The following UBE4B variants were observed in gnomAD, a reference collection of about 807,000 sequenced individuals.
UBE4B encodes ubiquitination factor E4B.
Under a neutral mutation model 148.1 loss-of-function variants are expected in UBE4B, and 27 were observed. That is an observed-to-expected ratio of 0.18 (90% CI 0.13 to 0.25). The LOEUF is 0.25. Ranked by LOEUF, UBE4B falls within the 10% of genes least tolerant of loss-of-function variation. UBE4B has a pLI of 1.00. For synonymous variants in UBE4B, 596 were observed against 619.3 expected (o/e 0.96, Z 0.56); for missense variants, 1,170 against 1,662.4 (o/e 0.70, Z 5.15).
At chr1:10,099,642 G>A (rs926813065) in intron 3 of UBE4B, among the ~76,000 whole-genome samples, 16 of 152,108 alleles carry the variant, frequency 1.1e-4, no homozygotes, top group Non-Finnish European at 2.1e-4. Flanking sequence ...GTGTAGAAGA[G>A]GAAAGAGCCA....
chr1:10,049,297 G>A (rs1643979571), intron 1 of UBE4B, among the ~76,000 whole-genome samples: 1 of 152,162 alleles, frequency 6.6e-6, no homozygotes, highest in Admixed American at 6.6e-5. Context: ...CTGCAGCTGG[G>A]GACACAGGAA....
At chr1:10,068,355 CTT>C in intron 1 of UBE4B, among the ~76,000 whole-genome samples, 1 of 130,902 alleles carries the variant, frequency 7.6e-6, no homozygotes, top group Non-Finnish European at 1.7e-5. Flanking sequence ...TTTTCTTTTT[CTT>C]TTTTTTTTTT....
intron 3 of UBE4B, among the ~76,000 whole-genome samples, chr1:10,099,212 A>G (rs1299262964): frequency 6.6e-6 from 1 of 152,184 alleles, no homozygotes; most frequent in Non-Finnish European, 1.5e-5. Flanking sequence ...ACTGCACTAC[A>G]GCCTGGGTGA....
chr1:10,052,068 C>CG (rs1644057718), intron 1 of UBE4B, among the ~76,000 whole-genome samples: 4 of 150,778 alleles, frequency 2.7e-5, no homozygotes, highest in African/African-American at 9.7e-5. Flanking sequence ...CTAATAGTGT[C>CG]ATTTTTTTTT....
At chr1:10,037,717 G>A (rs886693316) in intron 1 of UBE4B, among the ~76,000 whole-genome samples, 1 of 151,702 alleles carries the variant, frequency 6.6e-6, no homozygotes, top group Admixed American at 6.6e-5. Context: ...ACCACACCTG[G>A]CCAATTTTTG....
Position 10,171,144 on chromosome 1 carries a change from G to A in UBE4B, c.3340G>A (p.Gly1114Arg). The change falls in exon 25 of 28, where the codon GGA becomes AGA. Residue 1114 changes from glycine (G) to arginine (R), a missense_variant. Coordinates refer to ENST00000343090, the MANE Select transcript of UBE4B (RefSeq NM_001105562.3). ...VQKPFLRPEL[G>R]PRLAAMLNFN... ...TTATCCTGTGATTTCCTAGGAGCTT[G>A]GACCCCGATTGGCTGCAATGCTGAA... 1.2e-6 allele frequency: 2 copies of A among 1,613,754 alleles called. No homozygotes were observed. Among genetic ancestry groups the A allele is most frequent in the Non-Finnish European group, 1.7e-6 (2 of 1,179,806 alleles).
rs533102454 is a variant in UBE4B at position 10,095,444 on chromosome 1, C to T, written c.212-17C>T. 1.2e-6 allele frequency: 2 copies of T among 1,612,732 alleles called. No homozygotes were observed. The highest frequency in any genetic ancestry group is 2.2e-5 in the South Asian group (2 of 90,806). Reference sequence around the variant, plus strand: ...TATTTCACATGGGGCTTCATCCTTCCTGTGTTTTCTGTTTAGGAGTAGCCC... The same window carrying T: ...TATTTCACATGGGGCTTCATCCTTCTTGTGTTTTCTGTTTAGGAGTAGCCC... On this transcript the variant is annotated splice_polypyrimidine_tract_variant and intron_variant, in intron 2 of 27. Coordinates refer to ENST00000343090, the MANE Select transcript of UBE4B (RefSeq NM_001105562.3).
chr1:10,107,402 G>C, intron 7 of UBE4B: 1 of 1,274,854 alleles, frequency 7.8e-7, no homozygotes, highest in African/African-American at 1.5e-5. Flanking sequence ...TCTTACCCCT[G>C]CATGTGCGTA....
At chr1:10,062,188 C>G (rs1292904622) in intron 1 of UBE4B, among the ~76,000 whole-genome samples, 1 of 151,864 alleles carries the variant, frequency 6.6e-6, no homozygotes, top group African/African-American at 2.4e-5. Flanking sequence ...GATTACAGGC[C>G]TGAGCCACCA....
intron 21 of UBE4B, among the ~76,000 whole-genome samples, chr1:10,152,907 C>A (rs1008382835): frequency 1.3e-4 from 19 of 151,816 alleles, no homozygotes; most frequent in Admixed American, 9.9e-4. Context: ...ATCTCAGAAC[C>A]CAGCTGCCCT....
In UBE4B at chr1:10,181,028, A is replaced by G. The variant is rs1646496372; in HGVS notation, c.*1072A>G. ...CGCACACAAGTATAAGACTTTTTGT[A>G]TTACTGCTCCCTACTTAACATACTT... On this transcript the variant is annotated 3_prime_UTR_variant, in exon 28 of 28. Coordinates refer to ENST00000343090, the MANE Select transcript of UBE4B (RefSeq NM_001105562.3). 6.6e-6 allele frequency: 1 copy of G among 152,086 alleles called. No homozygotes were observed. Among genetic ancestry groups the G allele is most frequent in the Admixed American group, 6.6e-5 (1 of 15,182 alleles). 9.4% of individuals were successfully genotyped at this position (152,086 alleles called of 1,614,324 possible).
At chr1:10,056,387 A>G (rs1644169494) in intron 1 of UBE4B, among the ~76,000 whole-genome samples, 2 of 152,212 alleles carry the variant, frequency 1.3e-5, no homozygotes, top group African/African-American at 4.8e-5. Context: ...AAGACTATTT[A>G]CTGTGTGTCA....
chr1:10,049,556 G>A (rs926765641), intron 1 of UBE4B, among the ~76,000 whole-genome samples: 1 of 151,516 alleles, frequency 6.6e-6, no homozygotes, highest in African/African-American at 2.4e-5. Flanking sequence ...GGCAGCCTGG[G>A]CAATATCATA....
chr1:10,133,014 A>G (rs990184986), intron 15 of UBE4B, among the ~76,000 whole-genome samples: 1 of 152,098 alleles, frequency 6.6e-6, no homozygotes, highest in African/African-American at 2.4e-5. Flanking sequence ...GGTTTTCAGC[A>G]GGGAAACCAC....
chr1:10,047,545 T>C (rs1006373037), intron 1 of UBE4B, among the ~76,000 whole-genome samples: 3 of 143,302 alleles, frequency 2.1e-5, no homozygotes, highest in Non-Finnish European at 4.5e-5. Flanking sequence ...CAGGCTGGAG[T>C]GTAGTGGCGT....
intron 10 of UBE4B, among the ~76,000 whole-genome samples, 163 bp from the exon 11 acceptor site, chr1:10,126,630 AC>A (rs1418180826): frequency 6.6e-6 from 1 of 152,222 alleles, no homozygotes. Context: ...TTGTCAAAGA[AC>A]AGGTCAACAC....
chr1:10,093,131 G>A lies in UBE4B; in HGVS notation c.212-2330G>A, dbSNP rs114192263. 4.6e-3 allele frequency among the ~76,000 whole-genome samples: 703 copies of A among 152,222 alleles called. 3 individuals are homozygous for A. The highest frequency in any genetic ancestry group is 0.01 in the Middle Eastern group (3 of 294). ...AGTTTTTAAAACAATTTGTAATTATGTGTTTAATTTTATAACTTGTTTTGT... is the reference window on the plus strand; with the variant it reads ...AGTTTTTAAAACAATTTGTAATTATATGTTTAATTTTATAACTTGTTTTGT... On this transcript the variant is annotated intron_variant, in intron 2 of 27. Coordinates refer to ENST00000343090, the MANE Select transcript of UBE4B (RefSeq NM_001105562.3).
intron 18 of UBE4B, 96 bp from the exon 19 acceptor site, chr1:10,146,866 CA>C: frequency 6.7e-7 from 1 of 1,488,034 alleles, no homozygotes; most frequent in South Asian, 1.3e-5. Context: ...CTCTGGAACC[CA>C]AATTTCCCAT....
At chr1:10,149,334 G>A in intron 20 of UBE4B, 52 bp downstream of exon 20, 2 of 1,399,534 alleles carry the variant, frequency 1.4e-6, no homozygotes, top group Non-Finnish European at 2.0e-6. Flanking sequence ...ATGCATAATA[G>A]TATAATATTC....
Sources: gnomAD v4.1 joint callset for allele counts (sites outside exome capture counted in the v4.1 genomes callset) on GRCh38, gnomAD v4.1.1 for gene constraint, MANE v1.5 for transcripts, NCBI Gene and HGNC (gene_info 2026-07-23, HGNC 2026-07-21) for gene names.